SPATA13: variants seen among roughly 807,000 people sequenced by gnomAD.
SPATA13 encodes spermatogenesis-associated protein 13.
SPATA13 carries 50 observed loss-of-function variants against 104.0 expected under a neutral mutation model. That is an observed-to-expected ratio of 0.48 (90% CI 0.38 to 0.61). SPATA13 has a LOEUF of 0.61. Ranked by LOEUF, SPATA13 falls within the 20% of genes least tolerant of loss-of-function variation. SPATA13 has a pLI of 0.00. For missense variants in SPATA13, 1,524 were observed against 1,690.6 expected, an observed-to-expected ratio of 0.90 and a Z score of 1.73; for synonymous variants, 606 against 667.5, an observed-to-expected ratio of 0.91 and a Z score of 1.42.
chr13:24,110,894 C>T (rs1032928204), intron 3 of SPATA13, among the ~76,000 whole-genome samples: 18 of 152,246 alleles, frequency 1.2e-4, no homozygotes, highest in Non-Finnish European at 1.9e-4. Flanking sequence ...ACCATCTCTG[C>T]GCATAGCATA....
intron 3 of SPATA13, among the ~76,000 whole-genome samples, chr13:24,056,828 T>G (rs1241615765): frequency 6.6e-6 from 1 of 152,102 alleles, no homozygotes; most frequent in Admixed American, 6.6e-5. Flanking sequence ...ACAGGTCCAA[T>G]TCTGCCCCTC....
rs183123980 is a variant in SPATA13 at position 24,124,479 on chromosome 13, A to T, written c.-111-98340A>T. Among the ~76,000 whole-genome samples the T allele has an allele frequency of 3.7e-3, 566 of 152,332 alleles. 2 individuals carry two copies. Among genetic ancestry groups the T allele is most frequent in the African/African-American group, 0.013 (525 of 41,574 alleles). On this transcript the variant is annotated intron_variant, in intron 3 of 14. Coordinates refer to the SPATA13 transcript ENST00000424834. ...AGGTGCCTTTCCAGGGCAGCTGCAG[A>T]GTATCAGACTTTCTCGAAGGAAGGT...
chr13:24,137,850 A>G (rs1881623793), intron 3 of SPATA13, among the ~76,000 whole-genome samples: 1 of 152,194 alleles, frequency 6.6e-6, no homozygotes, highest in South Asian at 2.1e-4. Context: ...AGAGGTTAGG[A>G]CATAAGACCA....
At chr13:24,006,608 G>C (rs1407683858) in intron 2 of SPATA13, among the ~76,000 whole-genome samples, 6 of 152,312 alleles carry the variant, frequency 3.9e-5, no homozygotes, top group South Asian at 4.1e-4. Flanking sequence ...TGGTTGACTG[G>C]ACCCTAACTC....
chr13:24,156,658 C>T (rs527828678), upstream of SPATA13, among the ~76,000 whole-genome samples: 5 of 152,314 alleles, frequency 3.3e-5, no homozygotes, highest in East Asian at 5.8e-4. Flanking sequence ...ATATAGCAAA[C>T]GCACCTTATC....
chr13:24,016,364 T>G (rs1311711725), intron 2 of SPATA13, among the ~76,000 whole-genome samples: 2 of 152,196 alleles, frequency 1.3e-5, no homozygotes, highest in Non-Finnish European at 2.9e-5. Context: ...GATCCAGATG[T>G]GACATCTTCC....
intron 2 of SPATA13, among the ~76,000 whole-genome samples, chr13:24,012,045 GT>G (rs1876491715): frequency 6.6e-6 from 1 of 152,252 alleles, no homozygotes; most frequent in Non-Finnish European, 1.5e-5. Flanking sequence ...GAAGGCAGTG[GT>G]TTCTTGCAGC....
At chr13:24,254,718 C>T (rs547493544) in intron 4 of SPATA13, among the ~76,000 whole-genome samples, 3 of 152,330 alleles carry the variant, frequency 2.0e-5, no homozygotes, top group East Asian at 1.9e-4. Flanking sequence ...CTGCGGGGAA[C>T]CGTATCATCA....
At chr13:24,154,516 G>A (rs1317956401) in intron 3 of SPATA13, among the ~76,000 whole-genome samples, 1 of 152,084 alleles carries the variant, frequency 6.6e-6, no homozygotes, top group East Asian at 1.9e-4. Flanking sequence ...GGGGTACTGG[G>A]CATTGCTAAC....
intron 3 of SPATA13, among the ~76,000 whole-genome samples, chr13:24,153,990 G>A (rs1490308606): frequency 1.3e-5 from 2 of 152,134 alleles, no homozygotes; most frequent in African/African-American, 4.8e-5. Context: ...AACTCTGAGC[G>A]GTGGGAACTA....
intron 3 of SPATA13, among the ~76,000 whole-genome samples, chr13:24,074,302 A>G (rs1463530364): frequency 6.6e-6 from 1 of 152,196 alleles, no homozygotes; most frequent in Non-Finnish European, 1.5e-5. Context: ...ATTTAACTCA[A>G]GATTCATCCA....
intron 4 of SPATA13, among the ~76,000 whole-genome samples, chr13:24,270,257 C>CTTACATGTATACCTTTACATGTATGCCT (rs1311605425): frequency 4.6e-5 from 7 of 152,106 alleles, no homozygotes; most frequent in Non-Finnish European, 8.8e-5. Context: ...CTGGAGAGAA[C>CTTACATGTATACCTTTACATGTATGCCT]TTACATGTAT....
chr13:23,983,852 G>A, exon 2 of SPATA13: 2 of 984,786 alleles, frequency 2.0e-6, no homozygotes, highest in Non-Finnish European at 2.4e-6. Context: ...TGCCTGTGCA[G>A]CACCACAGGC....
At chr13:24,169,153 T>C (rs1882863004) in intron 1 of SPATA13, among the ~76,000 whole-genome samples, 1 of 152,200 alleles carries the variant, frequency 6.6e-6, no homozygotes, top group East Asian at 1.9e-4. Flanking sequence ...GTCAGAACTT[T>C]GGTTTCCTGC....
chr13:24,055,334 T>C (rs953928216), intron 3 of SPATA13, among the ~76,000 whole-genome samples: 2 of 152,244 alleles, frequency 1.3e-5, no homozygotes, highest in Non-Finnish European at 2.9e-5. Context: ...AGATCCCAGA[T>C]GCAATCAGCA....
intron 2 of SPATA13, among the ~76,000 whole-genome samples, chr13:24,249,166 G>A (rs377347689): frequency 2.6e-5 from 4 of 152,158 alleles, no homozygotes; most frequent in South Asian, 2.1e-4. Context: ...CACCGCATCC[G>A]GCCAGTGCTG....
chr13:24,292,420 C>T (rs747245611), intron 9 of SPATA13, among the ~76,000 whole-genome samples: 13 of 152,114 alleles, frequency 8.5e-5, no homozygotes, highest in African/African-American at 1.2e-4. Context: ...TACCCAGGGG[C>T]GCAGGGGTCT....
At chr13:24,260,150 G>A (rs1873987564) in intron 4 of SPATA13, among the ~76,000 whole-genome samples, 1 of 152,192 alleles carries the variant, frequency 6.6e-6, no homozygotes, top group Admixed American at 6.5e-5. Context: ...TAGAAACGGG[G>A]AGCATGTCAG....
Position 24,161,285 on chromosome 13 carries a change from T to C in SPATA13, c.-112+353T>C, listed in dbSNP as rs1882475737. 6.6e-6 allele frequency among the ~76,000 whole-genome samples: 1 copy of C among 152,144 alleles called. No individual in the cohort carries two copies. Among genetic ancestry groups the C allele is most frequent in the Admixed American group, 6.5e-5 (1 of 15,286 alleles). On this transcript the variant is annotated intron_variant, in intron 1 of 12. Transcript: ENST00000382108. The surrounding 1 kb of genome is among the most constrained non-coding windows in gnomAD (Gnocchi z 4.5). ...CGCTCCCAGCTCGCGGGGCCTGGCCTACAGGGGCGGCCGTGGGGGTGGCAG... is the reference window on the plus strand; with the variant it reads ...CGCTCCCAGCTCGCGGGGCCTGGCCCACAGGGGCGGCCGTGGGGGTGGCAG...
Sources: allele counts gnomAD v4.1 joint callset (sites outside exome capture counted in the v4.1 genomes callset), GRCh38; gene constraint gnomAD v4.1.1; non-coding constraint Gnocchi (gnomAD v3.1); transcripts MANE v1.5; gene names NCBI Gene and HGNC (gene_info 2026-07-23, HGNC 2026-07-21).